CNBD1: variants seen among roughly 807,000 people sequenced by gnomAD.
CNBD1 encodes the protein cyclic nucleotide binding domain containing 1, also known as cyclic nucleotide-binding domain-containing protein 1.
In CNBD1, 71 loss-of-function variants were observed where a neutral mutation model predicts 54.4. That is an observed-to-expected ratio of 1.30 (90% confidence interval 1.08 to 1.59). The LOEUF (loss-of-function observed/expected upper bound fraction) is 1.59. Ranked by LOEUF, CNBD1 falls within the 40% of genes most tolerant of loss-of-function variation. CNBD1 has a pLI of 0.00. For missense variants in CNBD1, 659 were observed against 518.0 expected (o/e 1.27, Z -2.64); for synonymous variants, 182 against 170.7 (o/e 1.07, Z -0.51).
chr8:87,416,646 T>C (rs1231439006), intron 2 of CNBD1, among the ~76,000 whole-genome samples: 4 of 152,036 alleles, frequency 2.6e-5, no homozygotes, highest in Non-Finnish European at 4.4e-5. Flanking sequence ...TTGTTGTTGT[T>C]ATATGACTCA....
intron 5 of CNBD1, among the ~76,000 whole-genome samples, chr8:87,230,252 G>A (rs1050301626): frequency 6.6e-6 from 1 of 152,078 alleles, no homozygotes; most frequent in South Asian, 2.1e-4. Context: ...CACCTCCCAC[G>A]GAGGCCACAT....
At chr8:87,096,967 T>C (rs961392478) in intron 4 of CNBD1, among the ~76,000 whole-genome samples, 6 of 152,188 alleles carry the variant, frequency 3.9e-5, no homozygotes, top group Admixed American at 3.9e-4. Context: ...AAGCAGCAGC[T>C]CAGGATATAC....
intron 6 of CNBD1, among the ~76,000 whole-genome samples, chr8:87,271,148 G>T (rs1048366469): frequency 6.6e-6 from 1 of 150,818 alleles, no homozygotes; most frequent in Non-Finnish European, 1.5e-5. Context: ...TTTAATTTTG[G>T]TCTTCTCTCT....
intron 5 of CNBD1, among the ~76,000 whole-genome samples, chr8:87,219,152 T>C (rs1814273031): frequency 6.6e-6 from 1 of 152,068 alleles, no homozygotes; most frequent in South Asian, 2.1e-4. Context: ...TAGACATACG[T>C]GTGTCATTTG....
chr8:87,020,278 A>G (rs897894655), intron 4 of CNBD1, among the ~76,000 whole-genome samples: 3 of 151,996 alleles, frequency 2.0e-5, no homozygotes, highest in Non-Finnish European at 4.4e-5. Flanking sequence ...ACAATTGGCT[A>G]TTACATCACA....
intron 4 of CNBD1, among the ~76,000 whole-genome samples, chr8:87,052,925 C>T (rs1410283584): frequency 6.7e-6 from 1 of 149,940 alleles, no homozygotes; most frequent in Non-Finnish European, 1.5e-5. Context: ...ATCCACTGGG[C>T]ATTTCTTGCA....
intron 2 of CNBD1, among the ~76,000 whole-genome samples, chr8:87,403,381 A>G (rs957481000): frequency 2.0e-5 from 3 of 152,014 alleles, no homozygotes; most frequent in African/African-American, 7.2e-5. Context: ...AAAATGGAAT[A>G]TGGCCAATAG....
intron 2 of CNBD1, among the ~76,000 whole-genome samples, chr8:87,420,795 G>A (rs544219022): frequency 1.3e-5 from 2 of 148,240 alleles, no homozygotes; most frequent in Non-Finnish European, 3.0e-5. Context: ...TTTGACAGTC[G>A]TTGGTATATT....
chr8:87,005,981 G>A (rs67067838), intron 4 of CNBD1, among the ~76,000 whole-genome samples: 37,776 of 152,084 alleles, frequency 0.25, 5,461 homozygotes, highest in Admixed American at 0.37. Context: ...GCAGAGAAAG[G>A]ATTTATGGTT....
At chr8:87,213,672 G>A (rs1814149391) in intron 5 of CNBD1, among the ~76,000 whole-genome samples, 1 of 152,018 alleles carries the variant, frequency 6.6e-6, no homozygotes, top group South Asian at 2.1e-4. Context: ...TTTAGGTGGG[G>A]ACACAGTCAA....
chr8:87,122,491 C>T (rs758864061), intron 4 of CNBD1, among the ~76,000 whole-genome samples: 2 of 151,564 alleles, frequency 1.3e-5, no homozygotes, highest in Non-Finnish European at 3.0e-5. Context: ...TGTGGATTGC[C>T]TCTTCAGTCT....
chr8:87,364,446 T>A (rs548431383), intron 10 of CNBD1, among the ~76,000 whole-genome samples: 4 of 151,950 alleles, frequency 2.6e-5, no homozygotes, highest in Admixed American at 6.6e-5. Flanking sequence ...TTTTACTTTT[T>A]AATTCTTTTA....
At chr8:87,168,125 T>C (rs939609161) in intron 4 of CNBD1, among the ~76,000 whole-genome samples, 2 of 152,090 alleles carry the variant, frequency 1.3e-5, no homozygotes, top group African/African-American at 4.8e-5. Flanking sequence ...TGCATGTGCA[T>C]GACTGTATAT....
At chr8:87,009,425 C>T (rs563076934) in intron 4 of CNBD1, among the ~76,000 whole-genome samples, 4 of 152,138 alleles carry the variant, frequency 2.6e-5, no homozygotes, top group South Asian at 4.2e-4. Context: ...CTCAGCCTCC[C>T]GAGTAACTGA....
In CNBD1 at chr8:86,905,071, TC is replaced by T; in HGVS notation, c.159-9del. 6.4e-7 allele frequency: 1 copy of T among 1,554,400 alleles called. No homozygotes were observed. The highest frequency in any genetic ancestry group is 8.8e-7 in the Non-Finnish European group (1 of 1,131,384). On this transcript the variant is annotated splice_polypyrimidine_tract_variant and intron_variant, in intron 2 of 10. Coordinates refer to ENST00000518476, the MANE Select transcript of CNBD1 (RefSeq NM_173538.3). ...GACACTTACAATTTAATTTCTCTCTTCTTTTTAAGCCGGAGTATGAGCAATA... is the reference window on the plus strand; with the variant it reads ...GACACTTACAATTTAATTTCTCTCTTTTTTTAAGCCGGAGTATGAGCAATA...
At chr8:86,995,092 A>T (rs1485737328) in intron 4 of CNBD1, among the ~76,000 whole-genome samples, 3 of 152,182 alleles carry the variant, frequency 2.0e-5, no homozygotes, top group African/African-American at 7.2e-5. Context: ...GGAGGCTTAT[A>T]AAGCTTGGTG....
At chr8:87,388,424 C>T (rs1471674017) in intron 2 of CNBD1, among the ~76,000 whole-genome samples, 1 of 151,966 alleles carries the variant, frequency 6.6e-6, no homozygotes, top group Non-Finnish European at 1.5e-5. Context: ...GGGATATCAC[C>T]ACCGATCCCA....
rs1810685085 is a variant in CNBD1 at position 87,368,260 on chromosome 8, T to C, written c.1304-14360T>C. Among the ~76,000 whole-genome samples the C allele has an allele frequency of 2.0e-5, 3 of 151,986 alleles. No individual in the cohort carries two copies. In the South Asian group the frequency reaches 6.2e-4, roughly 31 times the overall value. ...TAAGAATGTAGAAATTTGTTCTTGA[T>C]TGAACGCTGTCAAAAAACAATATAT... On this transcript the variant is annotated intron_variant, in intron 10 of 10. Transcript: ENST00000518476.
chr8:87,192,918 C>A (rs1179942328), intron 4 of CNBD1, among the ~76,000 whole-genome samples: 1 of 152,252 alleles, frequency 6.6e-6, no homozygotes, highest in Middle Eastern at 3.4e-3. Flanking sequence ...TGCCCTTGCC[C>A]AATCCTTCTA....
Sources: allele counts gnomAD v4.1 joint callset (sites outside exome capture counted in the v4.1 genomes callset), GRCh38; gene constraint gnomAD v4.1.1; transcripts MANE v1.5; gene names NCBI Gene and HGNC (gene_info 2026-07-23, HGNC 2026-07-21).